Variants in PRIM1 observed in about 807,000 individuals in gnomAD.
The protein encoded by PRIM1 is DNA primase small subunit.
PRIM1 carries 38 observed loss-of-function variants against 60.2 expected under a neutral mutation model. The ratio of observed to expected loss-of-function variants is 0.63; its 90% CI spans 0.49 to 0.83. The LOEUF (loss-of-function observed/expected upper bound fraction) is 0.83. PRIM1 is among the 40% of genes least tolerant of loss of function. The pLI is 0.00. For missense variants in PRIM1, 388 were observed against 506.2 expected (o/e 0.77, Z 2.24); for synonymous variants, 158 against 160.2 (o/e 0.99, Z 0.10).
intron 4 of PRIM1, 146 bp from the exon 5 acceptor site, chr12:56,746,327 CT>C (rs1565906772): frequency 9.2e-7 from 1 of 1,086,798 alleles, no homozygotes; most frequent in Non-Finnish European, 1.4e-6. Context: ...GAATTTCTTT[CT>C]TTTTTAAAAA....
chr12:56,751,333 G>A (rs1953955737), intron 1 of PRIM1, 138 bp from the exon 2 acceptor site: 1 of 572,776 alleles, frequency 1.7e-6, no homozygotes. Context: ...AGACTGGAGT[G>A]CAGTGGCTCG....
chr12:56,746,672 AC>A (rs2137867063), intron 4 of PRIM1, 108 bp downstream of exon 4: 210 of 453,248 alleles, frequency 4.6e-4, no homozygotes, highest in Middle Eastern at 7.8e-4. Flanking sequence ...ACACACACAC[AC>A]ACAAATTAAT....
chr12:56,738,390 T>A, intron 11 of PRIM1, 44 bp downstream of exon 11: 1 of 1,493,068 alleles, frequency 6.7e-7, no homozygotes, highest in Non-Finnish European at 8.9e-7. Flanking sequence ...GATATCTATA[T>A]AAAAACCCTG....
chr12:56,743,069 G>A lies in PRIM1; in HGVS notation c.666C>T (p.Tyr222=), dbSNP rs1953883260. The change falls in exon 7 of 13, where the codon TAC becomes TAT. Residue 222 remains tyrosine, a synonymous_variant. Coordinates refer to ENST00000338193, the MANE Select transcript of PRIM1 (RefSeq NM_000946.3). Reference sequence around the variant, plus strand: ...GATTAACCAAGGCATATTCTTCAAAGTATTTTTTTATTATGTTTATAGATT... The same window carrying A: ...GATTAACCAAGGCATATTCTTCAAAATATTTTTTTATTATGTTTATAGATT... ...IRKSINIIKK[Y]FEEYALVNQD... is the part of the protein sequence containing the mutation. The A allele has an allele frequency of 1.3e-6, 2 of 1,527,712 alleles. No homozygotes were observed. Among genetic ancestry groups the A allele is most frequent in the African/African-American group, 2.8e-5 (2 of 71,226 alleles). The allele number at this position is 1,527,712 out of a possible 1,614,324, so 94.6% of individuals were successfully genotyped here.
At chr12:56,737,453 G>C (rs528389079) in intron 11 of PRIM1, among the ~76,000 whole-genome samples, 2 of 151,658 alleles carry the variant, frequency 1.3e-5, no homozygotes, top group Non-Finnish European at 2.9e-5. Context: ...GAGTTCAAGC[G>C]ATTCTCCTGC....
chr12:56,746,223 A>C, intron 4 of PRIM1, 42 bp from the exon 5 acceptor site: 2 of 1,579,296 alleles, frequency 1.3e-6, no homozygotes, highest in East Asian at 2.2e-5. Flanking sequence ...CAAATCTATA[A>C]ACTCCTTAAT....
intron 9 of PRIM1, among the ~76,000 whole-genome samples, chr12:56,740,764 AT>A (rs1180370470): frequency 5.3e-5 from 8 of 151,572 alleles, no homozygotes; most frequent in Admixed American, 1.3e-4. Context: ...CTCGAAAAAA[AT>A]TTTTTTTTGT....
chr12:56,745,995 G>A, intron 5 of PRIM1, 50 bp downstream of exon 5: 1 of 1,521,852 alleles, frequency 6.6e-7, no homozygotes, highest in Non-Finnish European at 8.9e-7. Flanking sequence ...ATCAGGCTTG[G>A]TAACATCTAG....
At chr12:56,752,047 T>C in intron 1 of PRIM1, 149 bp downstream of exon 1, 1 of 410,272 alleles carries the variant, frequency 2.4e-6, no homozygotes. Flanking sequence ...TTTACACCTA[T>C]GAAGTGGTGG....
At chr12:56,735,035 A>C (rs1953815576) in intron 11 of PRIM1, among the ~76,000 whole-genome samples, 1 of 148,370 alleles carries the variant, frequency 6.7e-6, no homozygotes, top group African/African-American at 2.5e-5. Context: ...CTGGTCTCAA[A>C]CTCCTGACCT....
rs1163089868 is a variant in PRIM1, at chr12:56,734,799, A to G, written c.1145-554T>C. 4.1e-5 allele frequency among the ~76,000 whole-genome samples: 6 copies of G among 145,224 alleles called. 1 individual carries two copies. The East Asian group carries it at 7.9e-4, about 19-fold the overall frequency. ...ATATTTATATATATATATATAATAT[A>G]TATACATATATTTTCTTTTTTTTTT... On this transcript the variant is annotated intron_variant, in intron 11 of 12. Transcript: ENST00000338193.
At chr12:56,745,569 T>G (rs573728183) in intron 5 of PRIM1, among the ~76,000 whole-genome samples, 2 of 152,120 alleles carry the variant, frequency 1.3e-5, no homozygotes, top group South Asian at 4.1e-4. Flanking sequence ...AAATGAAATA[T>G]CTTAAAACAT....
chr12:56,750,758 T>G (rs1323863746), intron 2 of PRIM1, among the ~76,000 whole-genome samples: 1 of 152,152 alleles, frequency 6.6e-6, no homozygotes, highest in Non-Finnish European at 1.5e-5. Flanking sequence ...CCCGGCTAAT[T>G]ATTTCCCTTT....
At chr12:56,747,071 G>GCCA in intron 2 of PRIM1, 39 bp from the exon 3 acceptor site, 1 of 1,484,580 alleles carries the variant, frequency 6.7e-7, no homozygotes. Flanking sequence ...TATAAGAGCT[G>GCCA]CCACACTGCT....
intron 2 of PRIM1, among the ~76,000 whole-genome samples, chr12:56,748,971 A>AAAGG (rs1953927657): frequency 6.6e-6 from 1 of 151,892 alleles, no homozygotes; most frequent in Admixed American, 6.6e-5. Context: ...AGAAAGAAAG[A>AAAGG]AAGTAGTTGC....
rs146242701 is a variant in PRIM1 at position 56,747,978 on chromosome 12, A to G, written c.262-946T>C. On this transcript the variant is annotated intron_variant, in intron 2 of 12. Transcript: ENST00000338193. The stretch of plus-strand genomic sequence containing the variant: ...AGTGAAGCTGAGATGAAAAACAGGA[A>G]GATTTTTCAAGGCCACCCTTGACTG... 1.3e-3 allele frequency among the ~76,000 whole-genome samples: 199 copies of G among 152,204 alleles called. 2 individuals are homozygous for G. Among genetic ancestry groups the G allele is most frequent in the African/African-American group, 4.7e-3 (195 of 41,532 alleles).
chr12:56,740,905 C>T (rs918613156), intron 9 of PRIM1, among the ~76,000 whole-genome samples: 1 of 152,034 alleles, frequency 6.6e-6, no homozygotes, highest in Admixed American at 6.6e-5. Flanking sequence ...CCTCAACTTC[C>T]CAGGCTCAAG....
chr12:56,736,719 G>A (rs1009013536), intron 11 of PRIM1, among the ~76,000 whole-genome samples: 2 of 152,086 alleles, frequency 1.3e-5, no homozygotes, highest in South Asian at 4.1e-4. Flanking sequence ...GGCCAGGCTG[G>A]TCCCAAACTC....
intron 7 of PRIM1, among the ~76,000 whole-genome samples, chr12:56,742,640 C>T (rs1243352980): frequency 1.3e-5 from 2 of 151,866 alleles, no homozygotes; most frequent in Non-Finnish European, 2.9e-5. Flanking sequence ...GAAATCTTCC[C>T]CTGTAAAAAT....
Sources: allele counts gnomAD v4.1 joint callset (sites outside exome capture counted in the v4.1 genomes callset), GRCh38; gene constraint gnomAD v4.1.1; transcripts MANE v1.5; gene names NCBI Gene and HGNC (gene_info 2026-07-23, HGNC 2026-07-21).